UBAC2: variants seen among roughly 807,000 people sequenced by gnomAD.
UBAC2 encodes the protein ubiquitin-associated domain-containing protein 2.
UBAC2 carries 26 observed loss-of-function variants against 44.0 expected under a neutral mutation model. That is an observed-to-expected ratio of 0.59 (90% CI 0.43 to 0.82). UBAC2 has a LOEUF of 0.82. UBAC2 is among the 40% of genes least tolerant of loss of function. The pLI, the probability that UBAC2 is intolerant of heterozygous loss-of-function variation, is 0.00. For synonymous variants in UBAC2, 155 were observed against 154.3 expected (o/e 1.00, Z -0.04); for missense variants, 329 against 419.4 (o/e 0.78, Z 1.88).
chr13:99,274,231 C>CT (rs1431491207), intron 4 of UBAC2, among the ~76,000 whole-genome samples: 17 of 152,032 alleles, frequency 1.1e-4, no homozygotes, highest in Admixed American at 9.2e-4. Context: ...TTTCAGTATT[C>CT]TGTTTAGTTT....
intron 7 of UBAC2, among the ~76,000 whole-genome samples, chr13:99,347,174 T>A (rs542762633): frequency 6.8e-6 from 1 of 148,054 alleles, no homozygotes; most frequent in Non-Finnish European, 1.5e-5. Flanking sequence ...GCAAGACCCA[T>A]GTCTAGAGAG....
At position 99,200,892 on chromosome 13, in the gene UBAC2, C is replaced by T. The variant is rs544326107; in HGVS notation, c.-17C>T. The stretch of plus-strand genomic sequence containing the variant: ...CCCTCCCCCGGCGCCCTCTGGGGCT[C>T]CGAGCCCGGCGGGACCATGTTCACC... On this transcript the variant is annotated 5_prime_UTR_variant, in exon 1 of 9. Coordinates refer to ENST00000403766, the MANE Select transcript of UBAC2 (RefSeq NM_001144072.2). 28 of 1,303,542 alleles carry T rather than the reference C, an allele frequency of 2.1e-5. No homozygotes were observed. The East Asian group carries it at 7.8e-4, about 36-fold the overall frequency. The allele number at this position is 1,303,542 out of a possible 1,614,324, so 80.7% of individuals were successfully genotyped here.
At chr13:99,301,368 A>G (rs1024424632) in intron 4 of UBAC2, among the ~76,000 whole-genome samples, 1 of 152,242 alleles carries the variant, frequency 6.6e-6, no homozygotes. Context: ...TTGGTAAACA[A>G]AGGAGACAAT....
intron 1 of UBAC2, among the ~76,000 whole-genome samples, chr13:99,228,008 G>T (rs776626598): frequency 2.0e-5 from 3 of 152,220 alleles, no homozygotes; most frequent in Non-Finnish European, 2.9e-5. Flanking sequence ...TTGAGACCAA[G>T]AATTTATGGT....
intron 6 of UBAC2, among the ~76,000 whole-genome samples, chr13:99,335,962 C>T (rs1478980748): frequency 6.6e-6 from 1 of 151,158 alleles, no homozygotes; most frequent in African/African-American, 2.4e-5. Context: ...CAAGACCTGC[C>T]TGGCAACATG....
At chr13:99,324,569 GCTGA>G (rs1269180317) in intron 6 of UBAC2, among the ~76,000 whole-genome samples, 4 of 152,220 alleles carry the variant, frequency 2.6e-5, no homozygotes, top group South Asian at 2.1e-4. Context: ...CTTAGAAAAA[GCTGA>G]CTAATAGTAC....
At chr13:99,375,570 G>T (rs369903981) in intron 8 of UBAC2, among the ~76,000 whole-genome samples, 1 of 152,012 alleles carries the variant, frequency 6.6e-6, no homozygotes, top group African/African-American at 2.4e-5. Flanking sequence ...CAGAATATGG[G>T]AAGTAAAAAC....
intron 1 of UBAC2, among the ~76,000 whole-genome samples, chr13:99,222,976 T>C (rs1475554156): frequency 6.6e-6 from 1 of 152,192 alleles, no homozygotes; most frequent in Non-Finnish European, 1.5e-5. Flanking sequence ...ACTTGGAGTT[T>C]TCTTTGTTGG....
chr13:99,210,846 A>C (rs2142654284), intron 1 of UBAC2, among the ~76,000 whole-genome samples: 1 of 152,106 alleles, frequency 6.6e-6, no homozygotes, highest in South Asian at 2.1e-4. Context: ...TCTTGACCTC[A>C]GGTGATCCAC....
chr13:99,261,354 C>T (rs1461986263), intron 4 of UBAC2, among the ~76,000 whole-genome samples: 2 of 152,186 alleles, frequency 1.3e-5, no homozygotes, highest in African/African-American at 2.4e-5. Context: ...TCTAAACTGA[C>T]TGCTCTTTGG....
At chr13:99,309,205 G>A (rs1304673382) in intron 4 of UBAC2, among the ~76,000 whole-genome samples, 1 of 151,974 alleles carries the variant, frequency 6.6e-6, no homozygotes. Flanking sequence ...CCACCTCCCG[G>A]CTTCAAGCAA....
intron 4 of UBAC2, among the ~76,000 whole-genome samples, chr13:99,264,606 T>C (rs925842818): frequency 2.0e-5 from 3 of 152,164 alleles, no homozygotes; most frequent in Non-Finnish European, 4.4e-5. Context: ...GTCTTAACCA[T>C]GTTAGCTCAT....
intron 3 of UBAC2, among the ~76,000 whole-genome samples, 173 bp downstream of exon 3, chr13:99,244,124 A>G (rs1042394185): frequency 3.9e-5 from 6 of 152,190 alleles, no homozygotes; most frequent in African/African-American, 9.6e-5. Flanking sequence ...TTTAAAATGT[A>G]AGACATTAGC....
chr13:99,303,053 A>G (rs1247981243), intron 4 of UBAC2, among the ~76,000 whole-genome samples: 2 of 152,086 alleles, frequency 1.3e-5, no homozygotes, highest in Non-Finnish European at 2.9e-5. Context: ...GAGTGTGACT[A>G]GCCGAGGGGC....
chr13:99,241,172 G>A (rs1373021801), intron 2 of UBAC2, among the ~76,000 whole-genome samples: 28 of 150,892 alleles, frequency 1.9e-4, no homozygotes, highest in Admixed American at 1.9e-3. Context: ...GCTGAGCTGC[G>A]AGTATTGATT....
intron 1 of UBAC2, among the ~76,000 whole-genome samples, chr13:99,226,261 G>T (rs576664952): frequency 6.6e-6 from 1 of 152,108 alleles, no homozygotes; most frequent in Non-Finnish European, 1.5e-5. Flanking sequence ...CTTAGTCAGG[G>T]CCATCTCAGT....
intron 4 of UBAC2, among the ~76,000 whole-genome samples, chr13:99,250,055 T>G (rs1408396961): frequency 1.3e-5 from 2 of 152,212 alleles, no homozygotes; most frequent in Admixed American, 6.5e-5. Flanking sequence ...GCAGAAGCTC[T>G]TTAGTTTAAA....
chr13:99,259,986 C>T (rs1171965511), intron 4 of UBAC2, among the ~76,000 whole-genome samples: 3 of 152,224 alleles, frequency 2.0e-5, no homozygotes, highest in Non-Finnish European at 4.4e-5. Flanking sequence ...GGTGAGCTCT[C>T]ACTTTTTCCT....
intron 6 of UBAC2, among the ~76,000 whole-genome samples, chr13:99,324,306 T>C (rs1454574674): frequency 6.6e-6 from 1 of 152,176 alleles, no homozygotes; most frequent in Non-Finnish European, 1.5e-5. Flanking sequence ...TTGTTTGACT[T>C]ACACTAGCCA....
Sources: allele counts gnomAD v4.1 joint callset (sites outside exome capture counted in the v4.1 genomes callset), GRCh38; gene constraint gnomAD v4.1.1; transcripts MANE v1.5; gene names NCBI Gene and HGNC (gene_info 2026-07-23, HGNC 2026-07-21).